NIPA2: variants seen among roughly 807,000 people sequenced by gnomAD.
The protein encoded by NIPA2 is magnesium transporter NIPA2.
In NIPA2, 11 loss-of-function variants were observed where a neutral mutation model predicts 29.7. That is an observed-to-expected ratio of 0.37 (90% CI 0.23 to 0.61). The LOEUF (loss-of-function observed/expected upper bound fraction) is 0.61, where lower values mean the gene tolerates loss of function less well. Among genes scored for constraint, NIPA2 ranks in the 20% least tolerant of loss-of-function variants. The pLI is 0.66. For missense variants in NIPA2, 426 were observed against 437.9 expected (o/e 0.97, Z 0.24); for synonymous variants, 183 against 161.9 (o/e 1.13, Z -0.99).
rs980259373 is a variant in NIPA2, at chr15:22,838,852, G to C, written c.-421G>C. ...GAGCGCAGGACTGGGCGGCCTGTGT[G>C]GGGGTGTGAGCCGCGGTGCCCAAGG... On this transcript the variant is annotated 5_prime_UTR_variant, in exon 1 of 8. Transcript: ENST00000337451. 12 of 152,530 alleles carry C rather than the reference G, an allele frequency of 7.9e-5. No homozygotes were observed. Among genetic ancestry groups the C allele is most frequent in the African/African-American group, 2.9e-4 (12 of 41,454 alleles). 9.4% of individuals were successfully genotyped at this position (152,530 alleles called of 1,614,324 possible).
intron 5 of NIPA2, among the ~76,000 whole-genome samples, chr15:22,856,968 C>T (rs2058222905): frequency 6.6e-6 from 1 of 152,164 alleles, no homozygotes; most frequent in Admixed American, 6.5e-5. Flanking sequence ...GACTTAATTT[C>T]CCAGTGTTCT....
rs1174611941 is a variant in NIPA2 at position 22,867,803 on chromosome 15, T to G, written c.*956T>G. 1 of 152,184 alleles carries G rather than the reference T, an allele frequency of 6.6e-6. No homozygotes were observed. Among genetic ancestry groups the G allele is most frequent in the Non-Finnish European group, 1.5e-5 (1 of 68,028 alleles). The allele number at this position is 152,184 out of a possible 1,614,324, so 9.4% of individuals were successfully genotyped here. ...GGTCTCTTTGTACCAAGTACTTTGC[T>G]TAAGAGCTCCTTTGGGCCACTACAT... is the stretch of plus-strand genomic sequence containing the variant. On this transcript the variant is annotated 3_prime_UTR_variant, in exon 8 of 8. Transcript: ENST00000337451.
intron 1 of NIPA2, chr15:22,839,164 C>T (rs1312956396): frequency 1.3e-5 from 2 of 152,136 alleles, no homozygotes; most frequent in African/African-American, 4.8e-5. Context: ...AAAATAATTT[C>T]ATTTGTCTTG....
At position 22,858,614 on chromosome 15, in the gene NIPA2, C is replaced by G. The variant is rs1184879454; in HGVS notation, c.271C>G (p.Leu91Val). 2 of 1,598,214 alleles carry G rather than the reference C, an allele frequency of 1.3e-6. No homozygotes were observed. Among genetic ancestry groups the G allele is most frequent in the South Asian group, 1.1e-5 (1 of 88,798 alleles). ...PATLVTPLGALSVLVSAILSS... is the reference protein window; with the variant it reads ...PATLVTPLGAVSVLVSAILSS... The stretch of plus-strand genomic sequence containing the variant: ...CACTCTAGTGACTCCACTAGGAGCT[C>G]TCAGCGTGCTAGTAAGGTAAGGACA... Residue 91 changes from leucine (L) to valine (V), a missense_variant, in exon 6 of 8, where the codon CTC becomes GTC. Leu to Val is a conservative substitution (Grantham distance 32). This residue lies in a region of NIPA2 where 357 missense variants were observed against 339.8 expected (regional missense o/e 1.05). Transcript: ENST00000337451.
At chr15:22,855,800 G>A (rs1029782870) in intron 5 of NIPA2, among the ~76,000 whole-genome samples, 2 of 152,138 alleles carry the variant, frequency 1.3e-5, no homozygotes, top group Non-Finnish European at 2.9e-5. Flanking sequence ...ATATTTGGGG[G>A]AGAAACCCTT....
Position 22,866,855 on chromosome 15 carries a change from G to GTAAT in NIPA2, c.*12_*15dup, listed in dbSNP as rs759730358. 2.0e-6 allele frequency: 3 copies of GTAAT among 1,537,422 alleles called. No homozygotes were observed. In the African/African-American group the frequency reaches 4.1e-5, roughly 21 times the overall value. On this transcript the variant is annotated 3_prime_UTR_variant, in exon 8 of 8. Transcript: ENST00000337451. The stretch of plus-strand genomic sequence containing the variant: ...AATCTGACAGCTTTTTAAGAAAGGT[G>GTAAT]TAATTAAAGGTTAATCTGTGATTGT...
At position 22,858,531 on chromosome 15, in the gene NIPA2, G is replaced by A. The variant is rs2058373027; in HGVS notation, c.197-9G>A. 6.3e-7 allele frequency: 1 copy of A among 1,594,880 alleles called. No individual in the cohort carries two copies. Among genetic ancestry groups the A allele is most frequent in the African/African-American group, 1.3e-5 (1 of 74,326 alleles). On this transcript the variant is annotated splice_polypyrimidine_tract_variant and intron_variant, in intron 5 of 7. Coordinates refer to ENST00000337451, the MANE Select transcript of NIPA2 (RefSeq NM_030922.7). Reference sequence around the variant, plus strand: ...TACCTGAGTTTTTCTTTTGTTGTCTGTCTCTAAGTGGGAGCTGGTGAGGTG... The same window carrying A: ...TACCTGAGTTTTTCTTTTGTTGTCTATCTCTAAGTGGGAGCTGGTGAGGTG...
chr15:22,841,292 T>G (rs1897020566), intron 2 of NIPA2, among the ~76,000 whole-genome samples: 2 of 152,224 alleles, frequency 1.3e-5, no homozygotes, highest in South Asian at 4.1e-4. Flanking sequence ...TGTTGTAGAA[T>G]TAAATACACC....
intron 7 of NIPA2, among the ~76,000 whole-genome samples, chr15:22,865,343 G>A (rs936663109): frequency 5.9e-5 from 9 of 151,914 alleles, no homozygotes; most frequent in Non-Finnish European, 1.3e-4. Context: ...AAAATTAGCT[G>A]GGCGTGTTGG....
intron 2 of NIPA2, among the ~76,000 whole-genome samples, chr15:22,841,971 G>A (rs375817420): frequency 6.6e-6 from 1 of 152,116 alleles, no homozygotes; most frequent in East Asian, 1.9e-4. Flanking sequence ...TTCTACTCAA[G>A]TGTTACTGCT....
intron 5 of NIPA2, among the ~76,000 whole-genome samples, chr15:22,856,610 A>C (rs1226430085): frequency 6.6e-6 from 1 of 152,196 alleles, no homozygotes; most frequent in East Asian, 1.9e-4. Flanking sequence ...TAATTGTAAT[A>C]TGTTTAACCA....
chr15:22,864,901 G>A (rs2058879719), intron 7 of NIPA2, among the ~76,000 whole-genome samples: 1 of 151,914 alleles, frequency 6.6e-6, no homozygotes, highest in Admixed American at 6.6e-5. Flanking sequence ...TCACTCTATT[G>A]CCCAGGCTGG....
At chr15:22,844,967 G>C (rs1161777825) in intron 2 of NIPA2, among the ~76,000 whole-genome samples, 179 bp from the exon 3 acceptor site, 1 of 152,146 alleles carries the variant, frequency 6.6e-6, no homozygotes, top group East Asian at 1.9e-4. Context: ...AGTGTTTGTT[G>C]AGCAATGGTC....
chr15:22,859,536 C>T (rs2141437437), intron 6 of NIPA2, among the ~76,000 whole-genome samples: 1 of 152,292 alleles, frequency 6.6e-6, no homozygotes, highest in Admixed American at 6.5e-5. Flanking sequence ...TCGTGATCCA[C>T]CCGCCTTGGC....
intron 7 of NIPA2, 143 bp downstream of exon 7, chr15:22,860,932 C>T: frequency 1.7e-6 from 1 of 597,028 alleles, no homozygotes; most frequent in South Asian, 2.3e-5. Context: ...CTGCTCCCTC[C>T]TATCAATCCC....
Position 22,867,333 on chromosome 15 carries a change from A to C in NIPA2, c.*486A>C, listed in dbSNP as rs74247051. The C allele has an allele frequency of 7.8e-5, 31 of 396,676 alleles. 1 individual carries two copies. Among genetic ancestry groups the C allele is most frequent in the East Asian group, 3.6e-4 (10 of 27,934 alleles). The allele number at this position is 396,676 out of a possible 1,614,324, so 24.6% of individuals were successfully genotyped here. On this transcript the variant is annotated 3_prime_UTR_variant, in exon 8 of 8. Transcript: ENST00000337451. ...TTGATGATGATTGGTTTTATTTTTGAAATATTTATTAAGGGAAAACTAAGT... is the reference window on the plus strand; with the variant it reads ...TTGATGATGATTGGTTTTATTTTTGCAATATTTATTAAGGGAAAACTAAGT...
Position 22,867,927 on chromosome 15 carries a change from C to T in NIPA2, c.*1080C>T, listed in dbSNP as rs1177521681. On this transcript the variant is annotated 3_prime_UTR_variant, in exon 8 of 8. Transcript: ENST00000337451. ...ATAATAAAAAAGGTCTAATGAACTC[C>T]ATTCAGCTTTGAACCTATCCACTCA... The T allele has an allele frequency of 6.6e-6, 1 of 152,212 alleles. No homozygotes were observed. The highest frequency in any genetic ancestry group is 1.5e-5 in the Non-Finnish European group (1 of 68,042). The allele number at this position is 152,212 out of a possible 1,614,324, so 9.4% of individuals were successfully genotyped here.
At chr15:22,858,204 T>C (rs1309717040) in intron 5 of NIPA2, among the ~76,000 whole-genome samples, 1 of 152,006 alleles carries the variant, frequency 6.6e-6, no homozygotes, top group Non-Finnish European at 1.5e-5. Flanking sequence ...CCATCCTGGC[T>C]AACACGGTGA....
intron 2 of NIPA2, among the ~76,000 whole-genome samples, chr15:22,840,290 G>GTTTTTTTTTT (rs59421708): frequency 7.3e-6 from 1 of 137,808 alleles, no homozygotes; most frequent in African/African-American, 2.7e-5. Context: ...TCTATATATA[G>GTTTTTTTTTT]TTTTTTTTTT....
Sources: allele counts gnomAD v4.1 joint callset (sites outside exome capture counted in the v4.1 genomes callset), GRCh38; gene constraint gnomAD v4.1.1; regional missense constraint gnomAD v4.1.1; transcripts MANE v1.5; gene names NCBI Gene and HGNC (gene_info 2026-07-23, HGNC 2026-07-21).